The following FIGN variants were observed in gnomAD, a reference collection of about 807,000 sequenced individuals.
FIGN encodes the protein fidgetin, microtubule severing factor.
Under a neutral mutation model 51.3 loss-of-function variants are expected in FIGN, and 11 were observed. That is an observed-to-expected ratio of 0.21 (90% CI 0.13 to 0.35). The LOEUF (loss-of-function observed/expected upper bound fraction) is 0.35. Among genes scored for constraint, FIGN ranks in the 10% least tolerant of loss-of-function variants. The pLI, the probability that FIGN is intolerant of heterozygous loss-of-function variation, is 1.00. For synonymous variants in FIGN, 407 were observed against 363.2 expected (o/e 1.12, Z -1.37); for missense variants, 857 against 943.6 (o/e 0.91, Z 1.20).
At chr2:163,675,686 G>GTCTTT (rs1362319783) in intron 2 of FIGN, among the ~76,000 whole-genome samples, 19 of 128,720 alleles carry the variant, frequency 1.5e-4, no homozygotes, top group Non-Finnish European at 2.2e-4. Flanking sequence ...TTACTTGAAT[G>GTCTTT]TCTTTTCTTT....
chr2:163,661,670 G>A (rs199940105), intron 2 of FIGN, among the ~76,000 whole-genome samples: 1 of 152,150 alleles, frequency 6.6e-6, no homozygotes, highest in Non-Finnish European at 1.5e-5. Flanking sequence ...CATGTGTTGT[G>A]GGAGAGACCC....
chr2:163,669,111 C>T (rs1204977174), intron 2 of FIGN, among the ~76,000 whole-genome samples: 1 of 151,284 alleles, frequency 6.6e-6, no homozygotes, highest in Admixed American at 6.6e-5. Context: ...TCCTTTTACT[C>T]ATTTATATTT....
At chr2:163,661,926 A>G (rs1683691774) in intron 2 of FIGN, among the ~76,000 whole-genome samples, 1 of 152,160 alleles carries the variant, frequency 6.6e-6, no homozygotes, top group Admixed American at 6.5e-5. Context: ...GTATGTCTTT[A>G]TCAGCAGCAT....
chr2:163,730,624 C>G (rs1386587435), intron 2 of FIGN, among the ~76,000 whole-genome samples: 2 of 151,962 alleles, frequency 1.3e-5, no homozygotes, highest in East Asian at 3.9e-4. Context: ...CAATAAAACA[C>G]TAGCTCTTGT....
At chr2:163,703,861 A>C (rs1017741446) in intron 2 of FIGN, among the ~76,000 whole-genome samples, 4 of 152,158 alleles carry the variant, frequency 2.6e-5, no homozygotes, top group Non-Finnish European at 4.4e-5. Context: ...ATATCAGTTA[A>C]TTCCACCTAA....
chr2:163,663,726 T>C (rs1683727968), intron 2 of FIGN, among the ~76,000 whole-genome samples: 2 of 151,594 alleles, frequency 1.3e-5, no homozygotes, highest in Non-Finnish European at 2.9e-5. Context: ...CTACTAAAAA[T>C]ACAAAATTAG....
At position 163,609,566 on chromosome 2, in the gene FIGN, C is replaced by A. The variant is rs1381196187; in HGVS notation, c.2266G>T (p.Gly756Cys). The part of the protein sequence containing the change: ...DMYVEWNKMF[G>C]CSQ ...TAAAGAAGTTATCACTGACTGCAAC[C>A]AAACATTTTGTTCCATTCAACATAC... The change falls in exon 3 of 3, where the codon GGT becomes TGT. Residue 756 changes from glycine to cysteine, a missense_variant. Physicochemically the swap from Gly to Cys is radical, Grantham distance 159. Coordinates refer to ENST00000333129, the MANE Select transcript of FIGN (RefSeq NM_018086.4). 6.2e-7 allele frequency: 1 copy of A among 1,606,266 alleles called. No homozygotes were observed. Among genetic ancestry groups the A allele is most frequent in the East Asian group, 2.2e-5 (1 of 44,732 alleles).
At chr2:163,632,782 T>C (rs1247623549) in intron 2 of FIGN, among the ~76,000 whole-genome samples, 1 of 152,176 alleles carries the variant, frequency 6.6e-6, no homozygotes, top group African/African-American at 2.4e-5. Context: ...GGCGGGTAGA[T>C]TTCAGAAGCA....
chr2:163,652,709 T>G (rs1455326800), intron 2 of FIGN, among the ~76,000 whole-genome samples: 1 of 152,142 alleles, frequency 6.6e-6, no homozygotes, highest in African/African-American at 2.4e-5. Flanking sequence ...CAAATACACT[T>G]TGAACTTCCA....
intron 2 of FIGN, among the ~76,000 whole-genome samples, chr2:163,647,876 A>G (rs1295013034): frequency 6.6e-6 from 1 of 152,180 alleles, no homozygotes; most frequent in Non-Finnish European, 1.5e-5. Flanking sequence ...AAAGCGAAAG[A>G]GATATGTAGA....
intron 2 of FIGN, among the ~76,000 whole-genome samples, chr2:163,699,594 C>A (rs1182420126): frequency 1.3e-5 from 2 of 152,024 alleles, no homozygotes; most frequent in Non-Finnish European, 2.9e-5. Flanking sequence ...AATAATGACG[C>A]AAAAATTCAC....
chr2:163,641,735 T>A (rs781138405), intron 2 of FIGN, among the ~76,000 whole-genome samples: 14 of 152,198 alleles, frequency 9.2e-5, no homozygotes, highest in South Asian at 4.1e-4. Context: ...AAATGCCCAA[T>A]GGCAGCAAAT....
chr2:163,699,287 A>AT (rs572225310), intron 2 of FIGN, among the ~76,000 whole-genome samples: 4,159 of 152,254 alleles, frequency 0.027, 83 homozygotes, highest in Non-Finnish European at 0.044. Flanking sequence ...AATTAAGATA[A>AT]TTTTTTTAAA....
At chr2:163,726,944 T>A (rs1684847234) in intron 2 of FIGN, among the ~76,000 whole-genome samples, 1 of 152,090 alleles carries the variant, frequency 6.6e-6, no homozygotes, top group Non-Finnish European at 1.5e-5. Flanking sequence ...GGGATTGTAA[T>A]GAAAATGCCT....
chr2:163,602,611 T>G lies in FIGN; in HGVS notation c.*6941A>C, dbSNP rs140888636. On this transcript the variant is annotated 3_prime_UTR_variant, in exon 3 of 3. Coordinates refer to ENST00000333129, the MANE Select transcript of FIGN (RefSeq NM_018086.4). ...GTTCATGATAAAAATCAAACTGCAATTTTTTTAACTCAGAATTTTTTTTTA... is the reference window on the plus strand; with the variant it reads ...GTTCATGATAAAAATCAAACTGCAAGTTTTTTAACTCAGAATTTTTTTTTA... 1 of 152,106 alleles carries G rather than the reference T, an allele frequency of 6.6e-6. No individual in the cohort carries two copies. The highest frequency in any genetic ancestry group is 1.9e-4 in the East Asian group (1 of 5,196). 9.4% of individuals were successfully genotyped at this position (152,106 alleles called of 1,614,324 possible). A position where few individuals can be genotyped will look rare whatever the true frequency, so the allele number is the denominator to read the frequency against.
chr2:163,680,512 G>A (rs577561099), intron 2 of FIGN, among the ~76,000 whole-genome samples: 72 of 152,220 alleles, frequency 4.7e-4, no homozygotes, highest in African/African-American at 1.4e-3. Flanking sequence ...CTGACACCAC[G>A]ACAAGCCCCA....
At chr2:163,716,544 C>T (rs1305450353) in intron 2 of FIGN, among the ~76,000 whole-genome samples, 1 of 152,140 alleles carries the variant, frequency 6.6e-6, no homozygotes, top group East Asian at 1.9e-4. Flanking sequence ...ATTATGTCTA[C>T]CTTAAATTTA....
intron 2 of FIGN, among the ~76,000 whole-genome samples, chr2:163,650,018 G>A (rs1273052872): frequency 2.0e-5 from 3 of 152,098 alleles, no homozygotes; most frequent in Non-Finnish European, 2.9e-5. Flanking sequence ...CAGCCTAGAT[G>A]CGCTCATCCC....
intron 2 of FIGN, among the ~76,000 whole-genome samples, chr2:163,683,029 AC>A (rs1684090218): frequency 6.6e-6 from 1 of 152,136 alleles, no homozygotes; most frequent in Admixed American, 6.6e-5. Context: ...CTTAAGCACA[AC>A]CCAAATATAT....
Sources: gnomAD v4.1 joint callset for allele counts (sites outside exome capture counted in the v4.1 genomes callset) on GRCh38, gnomAD v4.1.1 for gene constraint, MANE v1.5 for transcripts, NCBI Gene and HGNC (gene_info 2026-07-23, HGNC 2026-07-21) for gene names.